Variants in WDR3 observed in about 807,000 individuals in gnomAD.
WDR3 encodes WD repeat-containing protein 3.
In WDR3, 81 loss-of-function variants were observed where a neutral mutation model predicts 123.7. The ratio of observed to expected loss-of-function variants is 0.65; its 90% CI spans 0.55 to 0.79. The LOEUF (loss-of-function observed/expected upper bound fraction) is 0.79. Ranked by LOEUF, WDR3 falls within the 30% of genes least tolerant of loss-of-function variation. The pLI, the probability that WDR3 is intolerant of heterozygous loss-of-function variation, is 0.00. For missense variants in WDR3, 1,027 were observed against 1,123.2 expected, an observed-to-expected ratio of 0.91 and a Z score of 1.22; for synonymous variants, 390 against 388.8, an observed-to-expected ratio of 1.00 and a Z score of -0.04.
intron 5 of WDR3, among the ~76,000 whole-genome samples, chr1:117,938,953 T>A (rs1651047138): frequency 6.6e-6 from 1 of 152,224 alleles, no homozygotes; most frequent in Admixed American, 6.5e-5. Flanking sequence ...GGACTGTTTT[T>A]TATATATCTT....
chr1:117,934,550 G>C lies in WDR3; in HGVS notation c.249G>C (p.Gly83=). 4 of 1,614,166 alleles carry C rather than the reference G, an allele frequency of 2.5e-6. No homozygotes were observed. The highest frequency in any genetic ancestry group is 3.4e-6 in the Non-Finnish European group (4 of 1,180,022). The change falls in exon 3 of 27, where the codon GGG becomes GGC. Residue 83 remains glycine, a synonymous_variant. Transcript: ENST00000349139. The part of the protein sequence containing the change: ...PSPDGLHLAV[G]YEDGSIRIFS... ...CAGATGGGCTACACTTAGCTGTTGG[G>C]TATGAGGATGGGTCGATCCGAATCT...
At position 117,933,458 on chromosome 1, in the gene WDR3, G is replaced by T; in HGVS notation, c.139G>T (p.Val47Phe). The T allele has an allele frequency of 1.2e-6, 2 of 1,614,134 alleles. No homozygotes were observed. Among genetic ancestry groups the T allele is most frequent in the Admixed American group, 1.7e-5 (1 of 60,022 alleles). ...TGTGGCAGTACCAGCTTGTGAACAC[G>T]TTTTCATCTGGGACTTAAGGAAAGG... ...RYVAVPACEH[V>F]FIWDLRKGEK... The change falls in exon 2 of 27, where the codon GTT becomes TTT. Residue 47 changes from valine to phenylalanine, a missense_variant. Val to Phe is a conservative substitution (Grantham distance 50). Coordinates refer to ENST00000349139, the MANE Select transcript of WDR3 (RefSeq NM_006784.3).
In WDR3 at chr1:117,963,909, G is replaced by A. The variant is rs368238767; in HGVS notation, c.*4462G>A. The A allele has an allele frequency of 1.2e-5, 20 of 1,613,702 alleles. No homozygotes were observed. The highest frequency in any genetic ancestry group is 4.0e-5 in the African/African-American group (3 of 74,910). On this transcript the variant is annotated 3_prime_UTR_variant, in exon 27 of 27. Coordinates refer to ENST00000349139, the MANE Select transcript of WDR3 (RefSeq NM_006784.3). ...TTTCCCTGGGGAAAGTCTTTTGGTC[G>A]TTTATCATAATTGCTGCTTGTTAAA...
rs200985071 is a variant in WDR3 at position 117,938,550 on chromosome 1, C to T, written c.571C>T (p.Arg191Trp). 1.7e-4 allele frequency: 279 copies of T among 1,612,966 alleles called. No individual in the cohort carries two copies. Among genetic ancestry groups the T allele is most frequent in the East Asian group, 7.8e-4 (35 of 44,834 alleles). ...QHCFKTMVGH[R>W]TEVWGLVLLS... is the part of the protein sequence containing the mutation. ...CTGCTTTAAAACAATGGTTGGCCAC[C>T]GGACTGAGGTAAGTGTAGGGTCATG... Residue 191 changes from arginine to tryptophan, a missense_variant, in exon 5 of 27, where the codon CGG becomes TGG. By Grantham distance (101) the Arg-to-Trp change is moderately radical. Coordinates refer to ENST00000349139, the MANE Select transcript of WDR3 (RefSeq NM_006784.3).
In WDR3 at chr1:117,957,174, C is replaced by T. The variant is rs972268632; in HGVS notation, c.2560C>T (p.Arg854Trp). ...QLGSDVELIC[R>W]CLFFLLRIHF... ...GGGCTCTGATGTTGAACTTATATGC[C>T]GGTGCCTCTTCTTCCTCCTTAGGTA... The change falls in exon 25 of 27, where the codon CGG (arginine) becomes TGG (tryptophan). Residue 854 changes from arginine (R) to tryptophan (W), a missense_variant. Coordinates refer to ENST00000349139, the MANE Select transcript of WDR3 (RefSeq NM_006784.3). 7 of 1,611,414 alleles carry T rather than the reference C, an allele frequency of 4.3e-6. No individual in the cohort carries two copies. The highest frequency in any genetic ancestry group is 4.5e-5 in the East Asian group (2 of 44,724).
Position 117,934,568 on chromosome 1 carries a change from C to G in WDR3, c.267C>G (p.Ile89Met), listed in dbSNP as rs781577126. 1 of 1,614,014 alleles carries G rather than the reference C, an allele frequency of 6.2e-7. No homozygotes were observed. The highest frequency in any genetic ancestry group is 1.7e-5 in the Admixed American group (1 of 60,008). ...CTGTTGGGTATGAGGATGGGTCGAT[C>G]CGAATCTTCAGTCTCCTGAGTGGGG... Reference protein sequence around the residue: ...HLAVGYEDGSIRIFSLLSGEG... With the variant: ...HLAVGYEDGSMRIFSLLSGEG... The change falls in exon 3 of 27, where the codon ATC becomes ATG. Residue 89 changes from isoleucine (I) to methionine (M), a missense_variant. Transcript: ENST00000349139.
In WDR3 at chr1:117,942,456, G is replaced by A. The variant is rs766575730; in HGVS notation, c.1009G>A (p.Glu337Lys). The A allele has an allele frequency of 6.2e-7, 1 of 1,613,950 alleles. No individual in the cohort carries two copies. The highest frequency in any genetic ancestry group is 2.2e-5 in the East Asian group (1 of 44,844). Residue 337 changes from glutamate to lysine, a missense_variant, in exon 10 of 27, where the codon GAG (glutamate) becomes AAG (lysine). Coordinates refer to ENST00000349139, the MANE Select transcript of WDR3 (RefSeq NM_006784.3). ...KKAKLHSSKG[E>K]EEDPEVNVEM... The stretch of plus-strand genomic sequence containing the variant: ...CTCTAGATTACATTCTAGCAAAGGA[G>A]AGGAGGAAGATCCTGAGGTTAATGT...
In WDR3 at chr1:117,939,497, G is replaced by T. The variant is rs760660940; in HGVS notation, c.600G>T (p.Leu200Phe). Residue 200 changes from leucine (L) to phenylalanine (F), a missense_variant, in exon 6 of 27, where the codon TTG (leucine) becomes TTT (phenylalanine). Leu to Phe is a conservative substitution (Grantham distance 22, BLOSUM62 0). Coordinates refer to ENST00000349139, the MANE Select transcript of WDR3 (RefSeq NM_006784.3). ...TATAGGTATGGGGGTTGGTTCTGTT[G>T]TCAGAAGAAAAGCGACTCATCACTG... Reference protein sequence around the residue: ...HRTEVWGLVLLSEEKRLITGA... With the variant: ...HRTEVWGLVLFSEEKRLITGA... 13 of 1,610,578 alleles carry T rather than the reference G, an allele frequency of 8.1e-6. No individual in the cohort carries two copies. The Admixed American group carries it at 2.0e-4, about 25-fold the overall frequency.
chr1:117,965,138 G>T lies in WDR3; in HGVS notation c.*5691G>T, dbSNP rs1258289892. 6.6e-6 allele frequency: 1 copy of T among 152,048 alleles called. No individual in the cohort carries two copies. Among genetic ancestry groups the T allele is most frequent in the African/African-American group, 2.4e-5 (1 of 41,394 alleles). 9.4% of individuals were successfully genotyped at this position (152,048 alleles called of 1,614,324 possible). On this transcript the variant is annotated 3_prime_UTR_variant, in exon 27 of 27. Coordinates refer to ENST00000349139, the MANE Select transcript of WDR3 (RefSeq NM_006784.3). The stretch of plus-strand genomic sequence containing the variant: ...CTAATGTTTCTGCTTTCTTAATACA[G>T]TCATTCTTTACCTTTTGCAATTTAG...
At chr1:117,947,523 G>A (rs1651452265) in intron 12 of WDR3, among the ~76,000 whole-genome samples, 3 of 152,266 alleles carry the variant, frequency 2.0e-5, no homozygotes, top group East Asian at 3.9e-4. Context: ...TTTGCCGTCG[G>A]GAAAGTAGTT....
chr1:117,944,333 G>A (rs371360184), intron 11 of WDR3, among the ~76,000 whole-genome samples: 43 of 152,116 alleles, frequency 2.8e-4, no homozygotes, highest in African/African-American at 9.6e-4. Flanking sequence ...CTCAGTCCTC[G>A]CTCCATCTTT....
At chr1:117,949,631 T>C in intron 13 of WDR3, 120 bp from the exon 14 acceptor site, 1 of 1,168,434 alleles carries the variant, frequency 8.6e-7, no homozygotes, top group Non-Finnish European at 1.2e-6. Flanking sequence ...AACCACGTTT[T>C]TCTTAATTTT....
rs1187456468 is a variant in WDR3 at position 117,946,142 on chromosome 1, T to C, written c.1385T>C (p.Phe462Ser). ...MTCEYALCSF[F>S]VPGDRQVVIG... The stretch of plus-strand genomic sequence containing the variant: ...TGTGAATATGCACTTTGCTCATTCT[T>C]TGTACCTGGTGATAGACAGGTAGTC... The change falls in exon 12 of 27, where the codon TTT becomes TCT. Residue 462 changes from phenylalanine to serine, a missense_variant. By Grantham distance (155) the Phe-to-Ser change is radical. Transcript: ENST00000349139. 6.2e-7 allele frequency: 1 copy of C among 1,612,998 alleles called. No individual in the cohort carries two copies. Among genetic ancestry groups the C allele is most frequent in the Non-Finnish European group, 8.5e-7 (1 of 1,179,360 alleles).
chr1:117,942,013 AGAAAATCATCTGATTTG>A (rs1327490243), intron 9 of WDR3, among the ~76,000 whole-genome samples, 166 bp downstream of exon 9: 1 of 152,240 alleles, frequency 6.6e-6, no homozygotes, highest in African/African-American at 2.4e-5. Context: ...TCAGAGAGAC[AGAAAATCATCTGATTTG>A]GCAAATCTTT....
intron 10 of WDR3, among the ~76,000 whole-genome samples, chr1:117,942,961 A>G (rs1234607635): frequency 7.4e-6 from 1 of 135,992 alleles, no homozygotes; most frequent in Non-Finnish European, 1.5e-5. Flanking sequence ...GCACTCTTTT[A>G]ATTTTTTTTG....
chr1:117,941,978 A>T (rs1482233678), intron 9 of WDR3, 131 bp downstream of exon 9: 1 of 1,375,086 alleles, frequency 7.3e-7, no homozygotes, highest in African/African-American at 1.5e-5. Flanking sequence ...CTTGTGAGGT[A>T]TCGATAACCC....
chr1:117,951,901 A>T (rs1180419097), intron 16 of WDR3, 75 bp from the exon 17 acceptor site: 3 of 1,364,158 alleles, frequency 2.2e-6, no homozygotes, highest in Non-Finnish European at 3.0e-6. Context: ...GAAATGGGTT[A>T]AATATTCTGG....
rs763366577 is a variant in WDR3, at chr1:117,949,830, A to G, written c.1604A>G (p.Gln535Arg). ...FELVKDENST[Q>R]KRLSVKQTRT... is the part of the protein sequence containing the mutation. ...TTAGTGAAAGATGAAAATAGTACCCAAAAGAGGTGAGTAGACATTTTTTGT... is the reference window on the plus strand; with the variant it reads ...TTAGTGAAAGATGAAAATAGTACCCGAAAGAGGTGAGTAGACATTTTTTGT... Residue 535 changes from glutamine to arginine, a missense_variant, in exon 14 of 27, where the codon CAA becomes CGA. Physicochemically the swap from Gln to Arg is conservative, Grantham distance 43. Transcript: ENST00000349139. 6 of 1,613,810 alleles carry G rather than the reference A, an allele frequency of 3.7e-6. No individual in the cohort carries two copies. The East Asian group carries it at 1.3e-4, about 36-fold the overall frequency.
chr1:117,955,775 AT>A (rs1454088597), intron 24 of WDR3, among the ~76,000 whole-genome samples: 4 of 151,798 alleles, frequency 2.6e-5, no homozygotes, highest in Admixed American at 2.0e-4. Context: ...AAAAAAAAAA[AT>A]CATTGGATTC....
Sources: allele counts gnomAD v4.1 joint callset (sites outside exome capture counted in the v4.1 genomes callset), GRCh38; gene constraint gnomAD v4.1.1; transcripts MANE v1.5; gene names NCBI Gene and HGNC (gene_info 2026-07-23, HGNC 2026-07-21).